PATJ: variants seen among roughly 807,000 people sequenced by gnomAD.
PATJ encodes PATJ crumbs cell polarity complex component, also known as inaD-like protein.
In PATJ, 190 loss-of-function variants were observed where a neutral mutation model predicts 224.9. The observed-to-expected ratio is 0.84, with a 90% CI of 0.75 to 0.95. The LOEUF is 0.95. PATJ is among the 40% of genes least tolerant of loss of function. PATJ has a pLI of 0.00. For missense variants in PATJ, 2,121 were observed against 2,270.3 expected, an observed-to-expected ratio of 0.93 and a Z score of 1.34; for synonymous variants, 769 against 820.3, an observed-to-expected ratio of 0.94 and a Z score of 1.07.
chr1:62,081,572 T>G (rs1659288094), intron 32 of PATJ, among the ~76,000 whole-genome samples: 1 of 152,206 alleles, frequency 6.6e-6, no homozygotes, highest in South Asian at 2.1e-4. Flanking sequence ...TTTACTTATC[T>G]ATTTATTTAT....
At chr1:62,135,726 C>A (rs1666791555) in intron 41 of PATJ, among the ~76,000 whole-genome samples, 1 of 152,154 alleles carries the variant, frequency 6.6e-6, no homozygotes, top group Non-Finnish European at 1.5e-5. Flanking sequence ...GACTGTGGAG[C>A]TCCTTTCTTA....
At chr1:62,125,265 A>AAAAAAAAAAAAAAAC in intron 39 of PATJ, among the ~76,000 whole-genome samples, 1 of 59,970 alleles carries the variant, frequency 1.7e-5, no homozygotes, top group Non-Finnish European at 5.0e-5. Context: ...AAAAAAAAAC[A>AAAAAAAAAAAAAAAC]AAAAAAAAAC....
intron 31 of PATJ, among the ~76,000 whole-genome samples, chr1:62,075,341 T>C (rs748398487): frequency 2.0e-5 from 3 of 152,230 alleles, no homozygotes; most frequent in African/African-American, 2.4e-5. Context: ...TGATCATTTA[T>C]TGATATGTTC....
At chr1:62,077,825 C>G (rs1450988271) in intron 31 of PATJ, among the ~76,000 whole-genome samples, 4 of 152,170 alleles carry the variant, frequency 2.6e-5, no homozygotes, top group Admixed American at 2.6e-4. Context: ...CCGGTTCTAC[C>G]TCTTTCTCTA....
intron 10 of PATJ, 67 bp from the exon 11 acceptor site, chr1:61,797,220 G>A (rs917782925): frequency 1.3e-6 from 2 of 1,514,402 alleles, no homozygotes; most frequent in Admixed American, 3.5e-5. Context: ...ATTTTATTCA[G>A]TGTTGCCAGA....
At chr1:61,910,571 AG>A (rs1296790233) in intron 25 of PATJ, among the ~76,000 whole-genome samples, 1 of 71,560 alleles carries the variant, frequency 1.4e-5, no homozygotes, top group Admixed American at 2.2e-4. Context: ...TTTTGGAGAC[AG>A]GGTCTTATTC....
intron 33 of PATJ, among the ~76,000 whole-genome samples, chr1:62,103,190 T>C (rs1043754950): frequency 1.3e-5 from 2 of 152,176 alleles, no homozygotes; most frequent in African/African-American, 2.4e-5. Flanking sequence ...AAATCAAATA[T>C]TCAAAACAGA....
intron 14 of PATJ, among the ~76,000 whole-genome samples, chr1:61,813,356 T>G (rs866438201): frequency 6.1e-4 from 30 of 49,378 alleles, no homozygotes; most frequent in Admixed American, 4.8e-3. Context: ...TATATATATA[T>G]ATATATATAT....
intron 6 of PATJ, 141 bp from the exon 7 acceptor site, chr1:61,775,065 A>T: frequency 1.3e-6 from 1 of 797,146 alleles, no homozygotes; most frequent in Non-Finnish European, 2.0e-6. Context: ...TGTATATCTT[A>T]GCCTGTAGAA....
chr1:62,147,154 A>G lies in PATJ; in HGVS notation c.5272-1130A>G, dbSNP rs546000192. Reference sequence around the variant, plus strand: ...TTATCATCACTTAGATGGCATTTACATTCATGAGATGGATGGGATGGGATA... The same window carrying G: ...TTATCATCACTTAGATGGCATTTACGTTCATGAGATGGATGGGATGGGATA... On this transcript the variant is annotated intron_variant, in intron 41 of 43. Coordinates refer to ENST00000642238, the MANE Select transcript of PATJ (RefSeq NM_001350145.3). 2.0e-5 allele frequency among the ~76,000 whole-genome samples: 3 copies of G among 152,258 alleles called. No homozygotes were observed. In the East Asian group the frequency reaches 5.8e-4, roughly 29 times the overall value.
chr1:62,096,506 T>C (rs771739869), intron 33 of PATJ, among the ~76,000 whole-genome samples: 5 of 152,194 alleles, frequency 3.3e-5, no homozygotes, highest in Non-Finnish European at 5.9e-5. Context: ...AAAAATAATC[T>C]AAAATATCCT....
At chr1:61,947,955 A>C (rs1299859217) in intron 27 of PATJ, among the ~76,000 whole-genome samples, 3 of 152,120 alleles carry the variant, frequency 2.0e-5, no homozygotes, top group African/African-American at 7.2e-5. Flanking sequence ...CAAAAACATG[A>C]AATGGGGAAA....
At chr1:62,111,215 G>A (rs1034086632) in intron 34 of PATJ, among the ~76,000 whole-genome samples, 24 of 152,286 alleles carry the variant, frequency 1.6e-4, no homozygotes, top group African/African-American at 5.3e-4. Flanking sequence ...AACCCATAGA[G>A]GTAACTGGGT....
intron 27 of PATJ, among the ~76,000 whole-genome samples, chr1:61,939,122 C>CAA (rs560139042): frequency 0.013 from 756 of 57,464 alleles, 43 homozygotes; most frequent in African/African-American, 0.048. Context: ...GACTCCATCT[C>CAA]AAAAAAAAAA....
At chr1:62,115,312 AAAAT>A (rs967977257) in intron 35 of PATJ, among the ~76,000 whole-genome samples, 6 of 152,040 alleles carry the variant, frequency 3.9e-5, no homozygotes, top group African/African-American at 9.7e-5. Flanking sequence ...CTCCATCTCA[AAAAT>A]AAATAAATAA....
chr1:62,002,943 C>T (rs1645876432), intron 28 of PATJ, among the ~76,000 whole-genome samples: 2 of 152,082 alleles, frequency 1.3e-5, no homozygotes, highest in Admixed American at 1.3e-4. Context: ...TTAAGCATTC[C>T]TAGTTTAGGG....
At chr1:61,921,560 G>A (rs1428074411) in intron 26 of PATJ, among the ~76,000 whole-genome samples, 1 of 152,110 alleles carries the variant, frequency 6.6e-6, no homozygotes, top group Non-Finnish European at 1.5e-5. Context: ...ATCTTTTAGA[G>A]GTACAAGCCT....
intron 29 of PATJ, among the ~76,000 whole-genome samples, chr1:62,023,584 G>A (rs943568710): frequency 2.0e-5 from 3 of 152,168 alleles, no homozygotes; most frequent in African/African-American, 7.2e-5. Context: ...TGCATCTGAT[G>A]TAGTCTTTGG....
intron 28 of PATJ, among the ~76,000 whole-genome samples, chr1:62,004,129 A>G (rs1258863342): frequency 6.6e-6 from 1 of 152,240 alleles, no homozygotes; most frequent in East Asian, 1.9e-4. Flanking sequence ...GCCTACACAC[A>G]TCATATGGCA....
Sources: allele counts gnomAD v4.1 joint callset (sites outside exome capture counted in the v4.1 genomes callset), GRCh38; gene constraint gnomAD v4.1.1; transcripts MANE v1.5; gene names NCBI Gene and HGNC (gene_info 2026-07-23, HGNC 2026-07-21).